REXO2: variants seen among roughly 807,000 people sequenced by gnomAD.
REXO2 encodes the protein oligoribonuclease, mitochondrial.
A neutral mutation model predicts 30.9 loss-of-function variants in REXO2; 17 were observed. The ratio of observed to expected loss-of-function variants is 0.55; its 90% CI spans 0.38 to 0.82. The LOEUF is 0.82. Among genes scored for constraint, REXO2 ranks in the 40% least tolerant of loss-of-function variants. The pLI is 0.00. For missense variants in REXO2, 253 were observed against 293.2 expected, an observed-to-expected ratio of 0.86 and a Z score of 1.00; for synonymous variants, 105 against 99.6, an observed-to-expected ratio of 1.05 and a Z score of -0.32.
intron 6 of REXO2, among the ~76,000 whole-genome samples, chr11:114,448,420 C>T (rs1946524670): frequency 6.6e-6 from 1 of 152,172 alleles, no homozygotes; most frequent in African/African-American, 2.4e-5. Flanking sequence ...GGTTTAGCAG[C>T]TGGCTTCTAA....
chr11:114,442,454 A>G (rs981824092), intron 2 of REXO2, among the ~76,000 whole-genome samples: 24 of 151,806 alleles, frequency 1.6e-4, no homozygotes, highest in Non-Finnish European at 3.4e-4. Flanking sequence ...ATCCAAGCAA[A>G]ATTTTTTGTT....
At chr11:114,446,129 C>A in intron 5 of REXO2, 42 bp downstream of exon 5, 1 of 1,104,712 alleles carries the variant, frequency 9.1e-7, no homozygotes, top group Non-Finnish European at 1.3e-6. Flanking sequence ...CCTCATTTAG[C>A]ATGTTTTAAT....
rs750595104 is a variant in REXO2, at chr11:114,446,025, C to T, written c.468C>T (p.Pro156=). The part of the protein sequence containing the change: ...EDKKFLDKYM[P]QFMKHLHYRI... ...AGAAGTTTCTTGACAAATACATGCC[C>T]CAGTTCATGAAACATCTTCATTATA... is the stretch of plus-strand genomic sequence containing the variant. Residue 156 remains proline (P), a synonymous_variant, in exon 5 of 7, where the codon CCC becomes CCT. Transcript: ENST00000265881. 3.1e-6 allele frequency: 5 copies of T among 1,610,274 alleles called. No homozygotes were observed. Among genetic ancestry groups the T allele is most frequent in the Non-Finnish European group, 3.4e-6 (4 of 1,177,494 alleles).
intron 2 of REXO2, chr11:114,441,622 G>A: frequency 1.5e-6 from 1 of 654,670 alleles, no homozygotes; most frequent in Non-Finnish European, 2.8e-6. Flanking sequence ...AACAAAGTAG[G>A]GATGTTTGTG....
At chr11:114,449,744 A>G (rs1946533595) in intron 6 of REXO2, 102 bp from the exon 7 acceptor site, 2 of 1,125,770 alleles carry the variant, frequency 1.8e-6, no homozygotes, top group South Asian at 2.9e-5. Context: ...ACTTACAGTA[A>G]CATCCATTGT....
At chr11:114,444,166 C>T (rs1257403173) in intron 3 of REXO2, 9 of 628,680 alleles carry the variant, frequency 1.4e-5, no homozygotes, top group East Asian at 3.3e-5. Context: ...CTGTCGCGAA[C>T]GCATTGTGGA....
At chr11:114,440,192 C>T (rs780865777) in intron 1 of REXO2, 5 of 458,274 alleles carry the variant, frequency 1.1e-5, no homozygotes, top group Admixed American at 7.1e-5. Flanking sequence ...AACCCAGTTC[C>T]TATCCCTTCA....
intron 2 of REXO2, 123 bp downstream of exon 2, chr11:114,440,862 T>C: frequency 4.4e-6 from 3 of 683,258 alleles, no homozygotes; most frequent in Non-Finnish European, 7.4e-6. Context: ...TAAGGTAATG[T>C]GCTAGGTCAT....
At position 114,439,494 on chromosome 11, in the gene REXO2, T is replaced by C. The variant is rs1163912862; in HGVS notation, c.-35T>C. The stretch of plus-strand genomic sequence containing the variant: ...CTATTGCGCCTGCGCCAGCGCCGGC[T>C]GCGAGACTGGGGCCGTGGCTGCTGG... On this transcript the variant is annotated 5_prime_UTR_variant, in exon 1 of 7. Coordinates refer to ENST00000265881, the MANE Select transcript of REXO2 (RefSeq NM_015523.4). 6.3e-7 allele frequency: 1 copy of C among 1,597,858 alleles called. No individual in the cohort carries two copies. The highest frequency in any genetic ancestry group is 8.5e-7 in the Non-Finnish European group (1 of 1,177,746).
In REXO2 at chr11:114,439,641, G is replaced by A. The variant is rs1028126516; in HGVS notation, c.113G>A (p.Ser38Asn). The change falls in exon 1 of 7, where the codon AGC (serine) becomes AAC (asparagine). Residue 38 changes from serine to asparagine, a missense_variant. Physicochemically the swap from Ser to Asn is conservative, Grantham distance 46 (BLOSUM62 1). Transcript: ENST00000265881. Reference sequence around the variant, plus strand: ...GGCGCAGCCATGGCGGCAGGGGAGAGCATGGCTCAGCGGATGGTCTGGGTG... The same window carrying A: ...GGCGCAGCCATGGCGGCAGGGGAGAACATGGCTCAGCGGATGGTCTGGGTG... ...EGGAAMAAGESMAQRMVWVDL... is the reference protein window; with the variant it reads ...EGGAAMAAGENMAQRMVWVDL... 2 of 1,590,752 alleles carry A rather than the reference G, an allele frequency of 1.3e-6. No individual in the cohort carries two copies. Among genetic ancestry groups the A allele is most frequent in the Admixed American group, 1.8e-5 (1 of 56,436 alleles).
chr11:114,443,702 A>G (rs1308801005), intron 2 of REXO2, among the ~76,000 whole-genome samples, 154 bp from the exon 3 acceptor site: 1 of 152,122 alleles, frequency 6.6e-6, no homozygotes, highest in African/African-American at 2.4e-5. Context: ...GCCTTAATGA[A>G]CAGTGCTGGA....
rs1192722159 is a variant in REXO2 at position 114,440,878 on chromosome 11, G to A, written c.231+139G>A. 10 of 582,850 alleles carry A rather than the reference G, an allele frequency of 1.7e-5. No individual in the cohort carries two copies. In the Middle Eastern group the frequency reaches 9.8e-4, roughly 57 times the overall value. 36.1% of individuals were successfully genotyped at this position (582,850 alleles called of 1,614,324 possible). A position where few individuals can be genotyped will look rare whatever the true frequency, so the allele number is the denominator to read the frequency against. On this transcript the variant is annotated intron_variant, in intron 2 of 6. Transcript: ENST00000265881. ...AAGGTAATGTGCTAGGTCATGGTAGGGGTGGTACTAGAACCAAAGTAATCC... is the reference window on the plus strand; with the variant it reads ...AAGGTAATGTGCTAGGTCATGGTAGAGGTGGTACTAGAACCAAAGTAATCC...
At chr11:114,439,714 G>C in intron 1 of REXO2, 39 bp downstream of exon 1, 1 of 1,449,002 alleles carries the variant, frequency 6.9e-7, no homozygotes, top group Middle Eastern at 2.0e-4. Context: ...AGGCGAGTGA[G>C]GTTTCGCTCG....
intron 1 of REXO2, among the ~76,000 whole-genome samples, chr11:114,439,970 C>T (rs908038711): frequency 2.0e-5 from 3 of 152,150 alleles, no homozygotes; most frequent in Admixed American, 6.5e-5. Context: ...CGTCTCTGGG[C>T]TTGGGTCACT....
At chr11:114,446,311 AC>A (rs1159042133) in intron 5 of REXO2, 11 of 355,514 alleles carry the variant, frequency 3.1e-5, no homozygotes, top group African/African-American at 2.1e-4. Flanking sequence ...AATGCCTGGC[AC>A]AAAATAAGTG....
At position 114,439,496 on chromosome 11, in the gene REXO2, CG is replaced by C; in HGVS notation, c.-32del. The stretch of plus-strand genomic sequence containing the variant: ...ATTGCGCCTGCGCCAGCGCCGGCTG[CG>C]AGACTGGGGCCGTGGCTGCTGGTCC... On this transcript the variant is annotated 5_prime_UTR_variant, in exon 1 of 7. Transcript: ENST00000265881. The C allele has an allele frequency of 6.3e-7, 1 of 1,597,672 alleles. No individual in the cohort carries two copies. The highest frequency in any genetic ancestry group is 1.1e-5 in the South Asian group (1 of 90,550).
At chr11:114,448,799 A>T (rs910278781) in intron 6 of REXO2, 1 of 152,210 alleles carries the variant, frequency 6.6e-6, no homozygotes, top group African/African-American at 2.4e-5. Context: ...TCACATTAAG[A>T]TTGCTCAGGT....
At chr11:114,439,911 TCTC>T (rs1026343462) in intron 1 of REXO2, 6 of 575,852 alleles carry the variant, frequency 1.0e-5, no homozygotes, top group East Asian at 3.0e-5. Flanking sequence ...TGTGGCTTCT[TCTC>T]CTCCCTACCC....
In REXO2 at chr11:114,439,643, A is replaced by G; in HGVS notation, c.115A>G (p.Met39Val). 6.3e-7 allele frequency: 1 copy of G among 1,589,452 alleles called. No individual in the cohort carries two copies. Residue 39 changes from methionine to valine, a missense_variant, in exon 1 of 7, where the codon ATG becomes GTG. By Grantham distance (21) the Met-to-Val change is conservative. Coordinates refer to ENST00000265881, the MANE Select transcript of REXO2 (RefSeq NM_015523.4). ...CGCAGCCATGGCGGCAGGGGAGAGC[A>G]TGGCTCAGCGGATGGTCTGGGTGGA... ...GGAAMAAGESMAQRMVWVDLE... is the reference protein window; with the variant it reads ...GGAAMAAGESVAQRMVWVDLE...
Sources: gnomAD v4.1 joint callset for allele counts (sites outside exome capture counted in the v4.1 genomes callset) on GRCh38, gnomAD v4.1.1 for gene constraint, MANE v1.5 for transcripts, NCBI Gene and HGNC (gene_info 2026-07-23, HGNC 2026-07-21) for gene names.